Variants in MLLT3 observed in about 807,000 individuals in gnomAD.
MLLT3 encodes protein AF-9.
Under a neutral mutation model 53.2 loss-of-function variants are expected in MLLT3, and 4 were observed. The observed-to-expected ratio is 0.08, with a 90% CI of 0.04 to 0.17. The LOEUF is 0.17. Among genes scored for constraint, MLLT3 ranks in the 10% least tolerant of loss-of-function variants. MLLT3 has a pLI of 1.00. For missense variants in MLLT3, 569 were observed against 684.0 expected (o/e 0.83, Z 1.87); for synonymous variants, 283 against 230.6 (o/e 1.23, Z -2.06).
At chr9:20,564,912 G>A (rs1181360062) in intron 2 of MLLT3, among the ~76,000 whole-genome samples, 1 of 152,132 alleles carries the variant, frequency 6.6e-6, no homozygotes, top group Admixed American at 6.6e-5. Flanking sequence ...GTAGTCAGGG[G>A]AGAAATACCA....
chr9:20,497,692 A>T (rs1283562950), intron 2 of MLLT3, among the ~76,000 whole-genome samples: 3 of 152,048 alleles, frequency 2.0e-5, no homozygotes, highest in Non-Finnish European at 4.4e-5. Context: ...CAATTTGTTT[A>T]TCCATTCCCT....
Position 20,414,354 on chromosome 9 carries a change from GCTGCTGCTGCTGCTGCTGCTGCTA to G in MLLT3, c.468_491del (p.Ser183_Ser190del), listed in dbSNP as rs1422239160. On this transcript the variant is annotated inframe_deletion, in exon 5 of 11. Transcript: ENST00000380338. Reference sequence around the variant, plus strand: ...TGCTGCTGCTGCTGCTACTGCTGCTGCTGCTGCTGCTGCTGCTGCTGCTACTGCTGCTGCTGCTGCTGCTGCTGG... The same window carrying G: ...TGCTGCTGCTGCTGCTACTGCTGCTGCTGCTGCTGCTGCTGCTGCTGCTGG... The G allele has an allele frequency of 1.6e-5, 25 of 1,602,822 alleles. No individual in the cohort carries two copies. The highest frequency in any genetic ancestry group is 2.2e-5 in the South Asian group (2 of 90,436).
chr9:20,436,607 A>G (rs59786447), intron 4 of MLLT3, among the ~76,000 whole-genome samples: 587 of 152,260 alleles, frequency 3.9e-3, no homozygotes, highest in Middle Eastern at 6.8e-3. Flanking sequence ...TTGCATTTCC[A>G]AAAAGAAAGC....
chr9:20,453,210 T>C (rs890305736), intron 3 of MLLT3, among the ~76,000 whole-genome samples: 3 of 152,188 alleles, frequency 2.0e-5, no homozygotes, highest in African/African-American at 7.2e-5. Flanking sequence ...TATATCCATG[T>C]GCCTTCTACT....
intron 2 of MLLT3, among the ~76,000 whole-genome samples, chr9:20,543,763 G>A (rs116946770): frequency 1.2e-3 from 189 of 151,510 alleles, no homozygotes; most frequent in Non-Finnish European, 2.1e-3. Context: ...GGAAGGAAAA[G>A]GAGGAGGAGG....
chr9:20,559,473 A>G (rs1819145824), intron 2 of MLLT3, among the ~76,000 whole-genome samples: 1 of 152,242 alleles, frequency 6.6e-6, no homozygotes, highest in South Asian at 2.1e-4. Flanking sequence ...GCACTCCGGA[A>G]GAATAAAACT....
chr9:20,461,285 G>C (rs1824102712), intron 2 of MLLT3, among the ~76,000 whole-genome samples: 1 of 152,080 alleles, frequency 6.6e-6, no homozygotes, highest in South Asian at 2.1e-4. Context: ...ATAATATGTA[G>C]TATGATGCTA....
intron 4 of MLLT3, among the ~76,000 whole-genome samples, chr9:20,416,681 T>C (rs1327407987): frequency 6.6e-6 from 1 of 152,174 alleles, no homozygotes; most frequent in Non-Finnish European, 1.5e-5. Context: ...GTTACCTTTT[T>C]ATCCACTCAA....
chr9:20,520,928 G>A (rs1004520471), intron 2 of MLLT3, among the ~76,000 whole-genome samples: 1 of 152,216 alleles, frequency 6.6e-6, no homozygotes, highest in Non-Finnish European at 1.5e-5. Flanking sequence ...AGCAGGACAT[G>A]TAGAATAGTG....
chr9:20,589,584 T>A (rs1332832143), intron 2 of MLLT3, among the ~76,000 whole-genome samples: 2 of 58,608 alleles, frequency 3.4e-5, no homozygotes, highest in Non-Finnish European at 8.9e-5. Context: ...TAAAGTATAA[T>A]AATAAAAAAA....
intron 2 of MLLT3, among the ~76,000 whole-genome samples, chr9:20,610,457 CA>C (rs1820673812): frequency 6.6e-6 from 1 of 152,148 alleles, no homozygotes; most frequent in African/African-American, 2.4e-5. Flanking sequence ...TCTGTTTACA[CA>C]AAGTCAATTA....
chr9:20,394,392 C>A (rs1178024301), intron 5 of MLLT3, among the ~76,000 whole-genome samples: 1 of 152,170 alleles, frequency 6.6e-6, no homozygotes, highest in African/African-American at 2.4e-5. Flanking sequence ...ATTCTTCCTA[C>A]CTAGACACTG....
intron 2 of MLLT3, among the ~76,000 whole-genome samples, chr9:20,614,801 T>A (rs1477364263): frequency 6.6e-6 from 1 of 152,120 alleles, no homozygotes; most frequent in Non-Finnish European, 1.5e-5. Context: ...AGTGATGTTA[T>A]GTAGTGGGGA....
At position 20,406,065 on chromosome 9, in the gene MLLT3, T is replaced by C. The variant is rs185530950; in HGVS notation, c.1125+7656A>G. ...AGGCAGAGGCTGCAGTGAGCCGAGA[T>C]TGCACCACTACACTCCAGCCTGGAT... On this transcript the variant is annotated intron_variant, in intron 5 of 10. Transcript: ENST00000380338. Among the ~76,000 whole-genome samples, 528 of 151,912 alleles carry C rather than the reference T, an allele frequency of 3.5e-3. 2 individuals are homozygous for C. The highest frequency in any genetic ancestry group is 0.012 in the African/African-American group (512 of 41,406).
chr9:20,355,932 G>A (rs879602427), intron 8 of MLLT3, among the ~76,000 whole-genome samples: 1 of 152,138 alleles, frequency 6.6e-6, no homozygotes, highest in Non-Finnish European at 1.5e-5. Context: ...AAGATTTTAA[G>A]AATGAGTCCA....
At chr9:20,469,625 A>G (rs1485262723) in intron 2 of MLLT3, among the ~76,000 whole-genome samples, 2 of 152,058 alleles carry the variant, frequency 1.3e-5, no homozygotes, top group African/African-American at 4.8e-5. Flanking sequence ...AGAGAAGAAC[A>G]CAACTCAAAC....
At chr9:20,449,035 G>A (rs902758661) in intron 3 of MLLT3, among the ~76,000 whole-genome samples, 3 of 151,946 alleles carry the variant, frequency 2.0e-5, no homozygotes, top group African/African-American at 4.8e-5. Flanking sequence ...TCTACCTACT[G>A]CTTTACCTAG....
rs560475061 is a variant in MLLT3, at chr9:20,568,120, C to T, written c.193+52534G>A. On this transcript the variant is annotated intron_variant, in intron 2 of 10. Coordinates refer to ENST00000380338, the MANE Select transcript of MLLT3 (RefSeq NM_004529.4). ...TGTATGTGTGTTAGAAACTGTGATACGTAACATTTTAAAAGCATCCGCCAC... is the reference window on the plus strand; with the variant it reads ...TGTATGTGTGTTAGAAACTGTGATATGTAACATTTTAAAAGCATCCGCCAC... Among the ~76,000 whole-genome samples the T allele has an allele frequency of 5.3e-5, 8 of 152,026 alleles. No homozygotes were observed. The East Asian group carries it at 1.5e-3, about 29-fold the overall frequency.
intron 2 of MLLT3, among the ~76,000 whole-genome samples, chr9:20,539,049 T>C (rs917338445): frequency 6.6e-6 from 1 of 152,262 alleles, no homozygotes; most frequent in Non-Finnish European, 1.5e-5. Context: ...CAGTAATGCC[T>C]GGATGTTGAT....
Sources: allele counts gnomAD v4.1 joint callset (sites outside exome capture counted in the v4.1 genomes callset), GRCh38; gene constraint gnomAD v4.1.1; transcripts MANE v1.5; gene names NCBI Gene and HGNC (gene_info 2026-07-23, HGNC 2026-07-21).